The following NKAIN2 variants were observed in gnomAD, a reference collection of about 807,000 sequenced individuals.
The protein encoded by NKAIN2 is sodium/potassium transporting ATPase interacting 2.
A neutral mutation model predicts 32.6 loss-of-function variants in NKAIN2; 14 were observed. The observed-to-expected ratio is 0.43, with a 90% CI of 0.28 to 0.67. NKAIN2 has a LOEUF of 0.67. NKAIN2 is among the 30% of genes least tolerant of loss of function. The pLI, the probability that NKAIN2 is intolerant of heterozygous loss-of-function variation, is 0.17. For missense variants in NKAIN2, 198 were observed against 258.3 expected (o/e 0.77, Z 1.60); for synonymous variants, 80 against 87.2 (o/e 0.92, Z 0.46).
chr6:124,722,955 C>T (rs892415565), intron 4 of NKAIN2, among the ~76,000 whole-genome samples: 5 of 152,152 alleles, frequency 3.3e-5, no homozygotes, highest in African/African-American at 7.2e-5. Flanking sequence ...CTCAGAGTCA[C>T]TTCAAAAACA....
chr6:123,828,426 A>C (rs1051852813), intron 1 of NKAIN2, among the ~76,000 whole-genome samples: 1 of 152,212 alleles, frequency 6.6e-6, no homozygotes, highest in African/African-American at 2.4e-5. Context: ...AGTTACCAAT[A>C]GCTCATAAGG....
At chr6:123,891,248 AG>A (rs1462815712) in intron 1 of NKAIN2, among the ~76,000 whole-genome samples, 1 of 152,150 alleles carries the variant, frequency 6.6e-6, no homozygotes, top group Non-Finnish European at 1.5e-5. Context: ...ATCATGAAAA[AG>A]TTCAGGAAAT....
intron 3 of NKAIN2, among the ~76,000 whole-genome samples, chr6:124,448,870 C>G (rs62437464): frequency 0.023 from 3,478 of 152,200 alleles, 89 homozygotes; most frequent in Non-Finnish European, 0.033. Context: ...CCTACCTGCT[C>G]TGATAATTGG....
At chr6:124,177,604 C>A (rs962490473) in intron 1 of NKAIN2, among the ~76,000 whole-genome samples, 1 of 152,208 alleles carries the variant, frequency 6.6e-6, no homozygotes, top group East Asian at 1.9e-4. Context: ...TTGTGTTTTA[C>A]GTACATTGTT....
chr6:123,863,214 T>C (rs961361251), intron 1 of NKAIN2, among the ~76,000 whole-genome samples: 1 of 152,194 alleles, frequency 6.6e-6, no homozygotes, highest in African/African-American at 2.4e-5. Context: ...ATATTAAAAT[T>C]AAATGATATA....
At chr6:123,866,548 A>T (rs1772525088) in intron 1 of NKAIN2, among the ~76,000 whole-genome samples, 1 of 151,994 alleles carries the variant, frequency 6.6e-6, no homozygotes, top group Non-Finnish European at 1.5e-5. Flanking sequence ...CTACTGCCTC[A>T]GCCTCCCGAG....
chr6:124,184,188 T>C (rs923498291), intron 1 of NKAIN2, among the ~76,000 whole-genome samples: 1 of 152,130 alleles, frequency 6.6e-6, no homozygotes, highest in African/African-American at 2.4e-5. Flanking sequence ...TGCCAAACAT[T>C]CTGGTCTCGA....
chr6:123,942,887 T>C (rs1026495970), intron 1 of NKAIN2, among the ~76,000 whole-genome samples: 3 of 152,050 alleles, frequency 2.0e-5, no homozygotes, highest in Non-Finnish European at 4.4e-5. Context: ...GTTCATCCTG[T>C]AGGAGTGCTC....
At chr6:124,505,091 A>G (rs1447463198) in intron 3 of NKAIN2, among the ~76,000 whole-genome samples, 4 of 152,242 alleles carry the variant, frequency 2.6e-5, no homozygotes, top group Non-Finnish European at 5.9e-5. Context: ...CTATCATTAC[A>G]TATCAGAATC....
At chr6:124,243,445 A>G (rs928413204) in intron 1 of NKAIN2, among the ~76,000 whole-genome samples, 12 of 151,900 alleles carry the variant, frequency 7.9e-5, no homozygotes, top group African/African-American at 2.4e-4. Context: ...CAGTGAGCCG[A>G]GATCATGCCA....
chr6:124,605,117 TAAC>T (rs1255529214), intron 3 of NKAIN2, among the ~76,000 whole-genome samples: 1 of 152,092 alleles, frequency 6.6e-6, no homozygotes, highest in African/African-American at 2.4e-5. Context: ...ACAATATTTT[TAAC>T]AACTAAGTTC....
chr6:124,081,182 C>T (rs1783953115), intron 1 of NKAIN2, among the ~76,000 whole-genome samples: 1 of 151,942 alleles, frequency 6.6e-6, no homozygotes, highest in African/African-American at 2.4e-5. Context: ...TTCTTGATGA[C>T]TGAGGAGTTT....
chr6:124,328,384 A>G (rs1797504701), intron 2 of NKAIN2, among the ~76,000 whole-genome samples: 1 of 152,164 alleles, frequency 6.6e-6, no homozygotes, highest in African/African-American at 2.4e-5. Flanking sequence ...TTATTCTACT[A>G]CTACAGTTTA....
chr6:123,830,227 A>G (rs567964868), intron 1 of NKAIN2, among the ~76,000 whole-genome samples: 2 of 152,242 alleles, frequency 1.3e-5, no homozygotes, highest in South Asian at 2.1e-4. Flanking sequence ...TCACTTCCAC[A>G]TGTCCTCTGG....
chr6:124,478,359 T>G (rs765449308), intron 3 of NKAIN2, among the ~76,000 whole-genome samples: 1 of 152,220 alleles, frequency 6.6e-6, no homozygotes, highest in Non-Finnish European at 1.5e-5. Flanking sequence ...CTCTCTCTAA[T>G]GCCATTCTCA....
chr6:124,296,614 A>G (rs1796066187), intron 2 of NKAIN2, among the ~76,000 whole-genome samples: 1 of 152,170 alleles, frequency 6.6e-6, no homozygotes, highest in Non-Finnish European at 1.5e-5. Context: ...GGTGTACAAA[A>G]CATTCTTGAA....
intron 1 of NKAIN2, among the ~76,000 whole-genome samples, chr6:123,838,661 C>T (rs1363411904): frequency 1.3e-5 from 2 of 152,116 alleles, no homozygotes; most frequent in Non-Finnish European, 2.9e-5. Flanking sequence ...TATCTACAGA[C>T]ACGCATAAAG....
rs1368673057 is a variant in NKAIN2, at chr6:123,976,276, TATGTTTCC to T, written c.54+172025_54+172032del. ...ATATATATATATATGTTTCCATATA[TATGTTTCC>T]ATATATATGTTTCCATATATATGTT... On this transcript the variant is annotated intron_variant, in intron 1 of 6. Coordinates refer to ENST00000368417, the MANE Select transcript of NKAIN2 (RefSeq NM_001040214.3). 7.9e-3 allele frequency among the ~76,000 whole-genome samples: 970 copies of T among 123,222 alleles called. 139 individuals are homozygous for T. The highest frequency in any genetic ancestry group is 0.012 in the Non-Finnish European group (703 of 56,320). 80.8% of individuals were successfully genotyped at this position (123,222 alleles called of 152,430 possible). A position where few individuals can be genotyped will look rare whatever the true frequency, so the allele number is the denominator to read the frequency against.
chr6:124,507,876 A>G (rs1209514563), intron 3 of NKAIN2, among the ~76,000 whole-genome samples: 6 of 152,212 alleles, frequency 3.9e-5, no homozygotes, highest in Non-Finnish European at 2.9e-5. Context: ...CCACTCTTAA[A>G]GACTACAATA....
Sources: gnomAD v4.1 joint callset for allele counts (sites outside exome capture counted in the v4.1 genomes callset) on GRCh38, gnomAD v4.1.1 for gene constraint, MANE v1.5 for transcripts, NCBI Gene and HGNC (gene_info 2026-07-23, HGNC 2026-07-21) for gene names.